Variants in CARHSP1 observed in about 807,000 individuals in gnomAD.
CARHSP1 encodes calcium regulated heat stable protein 1.
Under a neutral mutation model 12.5 loss-of-function variants are expected in CARHSP1, and 14 were observed. The observed-to-expected ratio is 1.12, with a 90% CI of 0.74 to 1.75. The LOEUF (loss-of-function observed/expected upper bound fraction) is 1.75. Among genes scored for constraint, CARHSP1 ranks in the 40% most tolerant of loss-of-function variants. CARHSP1 has a pLI of 0.00. For synonymous variants in CARHSP1, 161 were observed against 82.0 expected (o/e 1.96, Z -5.20); for missense variants, 343 against 201.6 (o/e 1.70, Z -4.25).
chr16:8,859,519 C>T (rs535848181), intron 1 of CARHSP1, among the ~76,000 whole-genome samples, 184 bp from the exon 2 acceptor site: 2 of 152,006 alleles, frequency 1.3e-5, no homozygotes, highest in African/African-American at 4.8e-5. Context: ...GCTCCTGAAG[C>T]AACCGTGGGG....
intron 1 of CARHSP1, chr16:8,860,536 G>A: frequency 1.0e-6 from 1 of 985,356 alleles, no homozygotes; most frequent in East Asian, 1.1e-4. Context: ...GAGGCCCTTG[G>A]GTAAGTCCTT....
intron 1 of CARHSP1, among the ~76,000 whole-genome samples, chr16:8,860,834 T>C (rs1325324405): frequency 4.6e-5 from 7 of 151,836 alleles, no homozygotes; most frequent in African/African-American, 1.7e-4. Context: ...GTGGATCACC[T>C]GAGGTCAGGA....
chr16:8,868,720 AC>A, intron 1 of CARHSP1: 1 of 151,946 alleles, frequency 6.6e-6, no homozygotes, highest in East Asian at 2.0e-4. Context: ...GGCGGGAAGT[AC>A]TACCCGACGT....
At chr16:8,866,670 G>A (rs1408065628) in intron 1 of CARHSP1, among the ~76,000 whole-genome samples, 2 of 151,932 alleles carry the variant, frequency 1.3e-5, no homozygotes, top group East Asian at 1.9e-4. Flanking sequence ...GGAGAGCGGG[G>A]GGTCTGGCGA....
At chr16:8,859,379 A>G in intron 1 of CARHSP1, 44 bp from the exon 2 acceptor site, 3 of 1,558,628 alleles carry the variant, frequency 1.9e-6, no homozygotes, top group Non-Finnish European at 2.6e-6. Flanking sequence ...CTTGCAAGGT[A>G]GGGACCCTGT....
intron 1 of CARHSP1, chr16:8,860,274 G>A (rs2061310230): frequency 1.0e-6 from 1 of 982,744 alleles, no homozygotes; most frequent in East Asian, 1.1e-4. Flanking sequence ...AGCTCCATCA[G>A]GCCCAGTGAA....
At chr16:8,865,698 C>T (rs1169930655) in intron 1 of CARHSP1, among the ~76,000 whole-genome samples, 3 of 152,218 alleles carry the variant, frequency 2.0e-5, no homozygotes, top group Admixed American at 6.5e-5. Context: ...TGCTTTCATA[C>T]ACCCTACAGC....
Position 8,857,263 on chromosome 16 carries a change from G to GTTTTTTGT in CARHSP1, c.281+1086_281+1087insACAAAAAA, listed in dbSNP as rs1315960023. 9.6e-4 allele frequency among the ~76,000 whole-genome samples: 55 copies of GTTTTTTGT among 57,038 alleles called. 3 individuals carry two copies. Among genetic ancestry groups the GTTTTTTGT allele is most frequent in the Non-Finnish European group, 1.1e-3 (30 of 26,900 alleles). The allele number at this position is 57,038 out of a possible 152,430, so 37.4% of individuals were successfully genotyped here. On this transcript the variant is annotated intron_variant, in intron 3 of 3. Coordinates refer to ENST00000311052, the MANE Select transcript of CARHSP1 (RefSeq NM_014316.4). ...TGGCTATGTGATCTTGGGCAGATCTGTTTTTTTTTTTTTTTTTTTTTTTTT... is the reference window on the plus strand; with the variant it reads ...TGGCTATGTGATCTTGGGCAGATCTGTTTTTTGTTTTTTTTTTTTTTTTTTTTTTTTTT...
At chr16:8,858,057 C>A in intron 3 of CARHSP1, 1 of 391,514 alleles carries the variant, frequency 2.6e-6, no homozygotes, top group South Asian at 2.9e-5. Context: ...GCCACCACGC[C>A]CAGCACACAC....
Position 8,853,031 on chromosome 16 carries a change from C to G in CARHSP1, c.*2133G>C, listed in dbSNP as rs763623371. On this transcript the variant is annotated 3_prime_UTR_variant, in exon 4 of 4. Transcript: ENST00000311052. ...CAGGAATCCTCAATTTTAGCTCTCG[C>G]TCTGTCACCAAAACCCTCCGTCCCT... 2 of 152,188 alleles carry G rather than the reference C, an allele frequency of 1.3e-5. No individual in the cohort carries two copies. Among genetic ancestry groups the G allele is most frequent in the Non-Finnish European group, 2.9e-5 (2 of 68,046 alleles). The allele number at this position is 152,188 out of a possible 1,614,324, so 9.4% of individuals were successfully genotyped here. A position where few individuals can be genotyped will look rare whatever the true frequency, so the allele number is the denominator to read the frequency against.
intron 1 of CARHSP1, among the ~76,000 whole-genome samples, chr16:8,860,972 C>G (rs1256594450): frequency 2.7e-5 from 4 of 150,878 alleles, no homozygotes; most frequent in Non-Finnish European, 5.9e-5. Flanking sequence ...ATTGCTTGAA[C>G]CAGGGAGCTG....
At chr16:8,863,508 G>A (rs2061404915) in intron 1 of CARHSP1, among the ~76,000 whole-genome samples, 1 of 152,210 alleles carries the variant, frequency 6.6e-6, no homozygotes, top group Non-Finnish European at 1.5e-5. Flanking sequence ...CCCAGCAGGA[G>A]GTGGCTACAT....
chr16:8,858,965 TGGTAACA>T, intron 2 of CARHSP1, 199 bp downstream of exon 2: 1 of 489,318 alleles, frequency 2.0e-6, no homozygotes. Flanking sequence ...CACTCCCAGC[TGGTAACA>T]GGTTCTTCTG....
chr16:8,858,753 C>T (rs938316307), intron 2 of CARHSP1: 4 of 474,918 alleles, frequency 8.4e-6, no homozygotes, highest in African/African-American at 1.9e-5. Context: ...CCTCCAGAAA[C>T]TAATGATTTA....
rs71155412 is a variant in CARHSP1 at position 8,863,112 on chromosome 16, C to CTTTTTTTTTTTT, written c.-7-3789_-7-3778dup. On this transcript the variant is annotated intron_variant, in intron 1 of 3. Transcript: ENST00000311052. Reference sequence around the variant, plus strand: ...GGTCCAGGAATGGCCACAAGGATGGCTTTTTTTTTTTTTTTTTTTTTTTTT... The same window carrying CTTTTTTTTTTTT: ...GGTCCAGGAATGGCCACAAGGATGGCTTTTTTTTTTTTTTTTTTTTTTTTTTTTTTTTTTTTT... Among the ~76,000 whole-genome samples, 8 of 74,130 alleles carry CTTTTTTTTTTTT rather than the reference C, an allele frequency of 1.1e-4. 1 individual carries two copies. The highest frequency in any genetic ancestry group is 3.5e-4 in the African/African-American group (6 of 17,152). 48.6% of individuals were successfully genotyped at this position (74,130 alleles called of 152,430 possible).
At chr16:8,866,064 T>C (rs2061449582) in intron 1 of CARHSP1, among the ~76,000 whole-genome samples, 1 of 152,046 alleles carries the variant, frequency 6.6e-6, no homozygotes, top group African/African-American at 2.4e-5. Flanking sequence ...AGGGATCCTC[T>C]CACTTCAGCC....
chr16:8,857,261 C>CTGTTTTTTG (rs1278325573), intron 3 of CARHSP1, among the ~76,000 whole-genome samples: 1 of 44,302 alleles, frequency 2.3e-5, no homozygotes, highest in African/African-American at 1.0e-4. Flanking sequence ...TTGGGCAGAT[C>CTGTTTTTTG]TGTTTTTTTT....
At chr16:8,855,417 C>T (rs2061067454) in intron 3 of CARHSP1, 91 bp from the exon 4 acceptor site, 1 of 1,204,608 alleles carries the variant, frequency 8.3e-7, no homozygotes, top group Non-Finnish European at 1.1e-6. Flanking sequence ...CACACAGCCA[C>T]CAAAGCAGGC....
intron 1 of CARHSP1, among the ~76,000 whole-genome samples, chr16:8,864,324 G>A (rs1010042368): frequency 4.2e-5 from 6 of 142,232 alleles, no homozygotes; most frequent in Middle Eastern, 3.5e-3. Context: ...CGCACAGCAC[G>A]CTGGGCACCT....
Sources: gnomAD v4.1 joint callset for allele counts (sites outside exome capture counted in the v4.1 genomes callset) on GRCh38, gnomAD v4.1.1 for gene constraint, MANE v1.5 for transcripts, NCBI Gene and HGNC (gene_info 2026-07-23, HGNC 2026-07-21) for gene names.